The following PRR23A variants were observed in gnomAD, a reference collection of about 807,000 sequenced individuals.
PRR23A encodes proline-rich protein 23A.
For synonymous variants in PRR23A, 161 were observed against 170.6 expected (o/e 0.94, Z 0.44); for missense variants, 342 against 372.7 (o/e 0.92, Z 0.68).
At position 139,004,021 on chromosome 3, in the gene PRR23A, C is replaced by G. The variant is rs1936740642; in HGVS notation, c.*1447G>C. Among the ~76,000 whole-genome samples, 1 of 151,940 alleles carries G rather than the reference C, an allele frequency of 6.6e-6. No homozygotes were observed. The highest frequency in any genetic ancestry group is 2.4e-5 in the African/African-American group (1 of 41,352). On this transcript the variant is annotated 3_prime_UTR_variant, in exon 1 of 1. Coordinates refer to ENST00000383163, the MANE Select transcript of PRR23A (RefSeq NM_001134659.1). ...CAACATAAACATTGCTTATTTATAT[C>G]TATACATATATATATGTATATGTAG...
rs1465953721 is a variant in PRR23A, at chr3:139,006,091, T to C, written c.178A>G (p.Ile60Val). The C allele has an allele frequency of 5.1e-6, 8 of 1,575,798 alleles. No homozygotes were observed. The highest frequency in any genetic ancestry group is 6.0e-6 in the Non-Finnish European group (7 of 1,162,408). ...GCACAGCCCGCGGCCAGGACCACTA[T>C]GGAGGTGAGCGCGCCCACGGCCGGG... ...GTPAVGALTS[I>V]VVLAAGCALR... Residue 60 changes from isoleucine to valine, a missense_variant, in exon 1 of 1, where the codon ATA becomes GTA. By Grantham distance (29) the Ile-to-Val change is conservative. Coordinates refer to ENST00000383163, the MANE Select transcript of PRR23A (RefSeq NM_001134659.1).
chr3:139,005,814 T>G lies in PRR23A; in HGVS notation c.455A>C (p.Gln152Pro), dbSNP rs1255639825. The change falls in exon 1 of 1, where the codon CAG becomes CCG. Residue 152 changes from glutamine (Q) to proline (P), a missense_variant. Transcript: ENST00000383163. ...FCASVPEIAA[Q>P]EEAYEEDADP... ...CGCGTCCTCCTCGTAGGCCTCTTCC[T>G]GGGCGGCGATCTCTGGGACAGATGC... 4 of 1,613,940 alleles carry G rather than the reference T, an allele frequency of 2.5e-6. No individual in the cohort carries two copies. The highest frequency in any genetic ancestry group is 3.4e-6 in the Non-Finnish European group (4 of 1,179,910).
chr3:139,005,805 G>T lies in PRR23A; in HGVS notation c.464C>A (p.Ala155Asp). 6.2e-7 allele frequency: 1 copy of T among 1,613,914 alleles called. No individual in the cohort carries two copies. The highest frequency in any genetic ancestry group is 2.2e-5 in the East Asian group (1 of 44,842). Residue 155 changes from alanine (A) to aspartate (D), a missense_variant, in exon 1 of 1, where the codon GCC becomes GAC. Coordinates refer to ENST00000383163, the MANE Select transcript of PRR23A (RefSeq NM_001134659.1). ...CTCGGGGTCCGCGTCCTCCTCGTAG[G>T]CCTCTTCCTGGGCGGCGATCTCTGG... ...SVPEIAAQEE[A>D]YEEDADPEFP...
In PRR23A at chr3:139,005,822, G is replaced by A; in HGVS notation, c.447C>T (p.Ile149=). Residue 149 remains isoleucine (I), a synonymous_variant, in exon 1 of 1, where the codon ATC becomes ATT. Coordinates refer to ENST00000383163, the MANE Select transcript of PRR23A (RefSeq NM_001134659.1). ...CCTCGTAGGCCTCTTCCTGGGCGGC[G>A]ATCTCTGGGACAGATGCGCAGAAGA... ...QEVFCASVPE[I]AAQEEAYEED... is the part of the protein sequence containing the mutation. 6.2e-7 allele frequency: 1 copy of A among 1,613,966 alleles called. No individual in the cohort carries two copies. The highest frequency in any genetic ancestry group is 1.1e-5 in the South Asian group (1 of 91,044).
At position 139,004,369 on chromosome 3, in the gene PRR23A, A is replaced by C. The variant is rs1216748070; in HGVS notation, c.*1099T>G. ...GAAATTCAGGAATACCCATTGGTTA[A>C]AGTACATAGAATATGTCATTGTACA... On this transcript the variant is annotated 3_prime_UTR_variant, in exon 1 of 1. Transcript: ENST00000383163. Among the ~76,000 whole-genome samples the C allele has an allele frequency of 6.6e-6, 1 of 152,242 alleles. No homozygotes were observed. Among genetic ancestry groups the C allele is most frequent in the African/African-American group, 2.4e-5 (1 of 41,472 alleles).
chr3:139,005,563 G>T lies in PRR23A; in HGVS notation c.706C>A (p.Pro236Thr), dbSNP rs1936763652. ...CCTGGACTCCCCACGCGCGGAGAGG[G>T]AGGTAGAGGTTGGAGAGGTGAGCTG... Reference protein sequence around the residue: ...VPSSPLQPLPPSPRVGSPGPH... With the variant: ...VPSSPLQPLPTSPRVGSPGPH... Residue 236 changes from proline to threonine, a missense_variant, in exon 1 of 1, where the codon CCC (proline) becomes ACC (threonine). Physicochemically the swap from Pro to Thr is conservative, Grantham distance 38. Coordinates refer to ENST00000383163, the MANE Select transcript of PRR23A (RefSeq NM_001134659.1). 11 of 1,604,144 alleles carry T rather than the reference G, an allele frequency of 6.9e-6. No individual in the cohort carries two copies. The highest frequency in any genetic ancestry group is 7.7e-6 in the Non-Finnish European group (9 of 1,175,236).
At position 139,005,385 on chromosome 3, in the gene PRR23A, C is replaced by T; in HGVS notation, c.*83G>A. On this transcript the variant is annotated 3_prime_UTR_variant, in exon 1 of 1. Coordinates refer to ENST00000383163, the MANE Select transcript of PRR23A (RefSeq NM_001134659.1). Reference sequence around the variant, plus strand: ...GTCGATGAATGAAGATGCTGCATTTCCGGGCTGTGGCAAGTCCTCACAGTG... The same window carrying T: ...GTCGATGAATGAAGATGCTGCATTTTCGGGCTGTGGCAAGTCCTCACAGTG... 1 of 1,206,702 alleles carries T rather than the reference C, an allele frequency of 8.3e-7. No individual in the cohort carries two copies. Among genetic ancestry groups the T allele is most frequent in the African/African-American group, 1.5e-5 (1 of 65,252 alleles). 74.7% of individuals were successfully genotyped at this position (1,206,702 alleles called of 1,614,324 possible). A position where few individuals can be genotyped will look rare whatever the true frequency, so the allele number is the denominator to read the frequency against.
Position 139,006,167 on chromosome 3 carries a change from G to A in PRR23A, c.102C>T (p.Pro34=). The change falls in exon 1 of 1, where the codon CCC becomes CCT. Residue 34 remains proline, a synonymous_variant. Coordinates refer to ENST00000383163, the MANE Select transcript of PRR23A (RefSeq NM_001134659.1). The stretch of plus-strand genomic sequence containing the variant: ...GCGCCACGCGGGGTTCGGGGCCCGC[G>A]GGCTCCTCCAATCGGAGGCGCTTGG... The part of the protein sequence containing the change: ...GPAKRLRLEE[P]AGPEPRVAPS... 1 of 1,545,660 alleles carries A rather than the reference G, an allele frequency of 6.5e-7. No homozygotes were observed. Among genetic ancestry groups the A allele is most frequent in the Non-Finnish European group, 8.7e-7 (1 of 1,146,656 alleles).
the PRR23A span, chr3:139,005,626 A>AG: frequency 6.2e-7 from 1 of 1,613,338 alleles, no homozygotes; most frequent in Non-Finnish European, 8.5e-7. Context: ...GGGTCGAAGA[A>AG]GGGGCCTGGA....
chr3:139,005,531 G>A lies in PRR23A; in HGVS notation c.738C>T (p.His246=), dbSNP rs1301548086. 4 of 1,517,690 alleles carry A rather than the reference G, an allele frequency of 2.6e-6. No homozygotes were observed. The highest frequency in any genetic ancestry group is 3.5e-6 in the Non-Finnish European group (4 of 1,135,024). The allele number at this position is 1,517,690 out of a possible 1,614,324, so 94.0% of individuals were successfully genotyped here. The change falls in exon 1 of 1, where the codon CAC becomes CAT. Residue 246 remains histidine, a synonymous_variant. Coordinates refer to ENST00000383163, the MANE Select transcript of PRR23A (RefSeq NM_001134659.1). ...PSPRVGSPGP[H]AHPPLPKRPP... ...GGCGTTTCGGGAGCGGCGGGTGCGCGTGGGGACCTGGACTCCCCACGCGCG... is the reference window on the plus strand; with the variant it reads ...GGCGTTTCGGGAGCGGCGGGTGCGCATGGGGACCTGGACTCCCCACGCGCG...
rs772820750 is a variant in PRR23A at position 139,005,765 on chromosome 3, C to G, written c.504G>C (p.Gln168His). The change falls in exon 1 of 1, where the codon CAG becomes CAC. Residue 168 changes from glutamine (Q) to histidine (H), a missense_variant. Gln to His is a conservative substitution (Grantham distance 24, BLOSUM62 0). Coordinates refer to ENST00000383163, the MANE Select transcript of PRR23A (RefSeq NM_001134659.1). ...CGGCTGAGCCGGCTGCGGAGTCCATCTGGAGCTCCGGAAACTCGGGGTCCG... is the reference window on the plus strand; with the variant it reads ...CGGCTGAGCCGGCTGCGGAGTCCATGTGGAGCTCCGGAAACTCGGGGTCCG... ...EDADPEFPEL[Q>H]MDSAAGSAAG... 3 of 1,613,728 alleles carry G rather than the reference C, an allele frequency of 1.9e-6. No homozygotes were observed. Among genetic ancestry groups the G allele is most frequent in the Admixed American group, 3.3e-5 (2 of 59,988 alleles).
rs747564206 is a variant in PRR23A, at chr3:139,005,849, T to C, written c.420A>G (p.Glu140=). 3 of 1,613,794 alleles carry C rather than the reference T, an allele frequency of 1.9e-6. No individual in the cohort carries two copies. In the Admixed American group the frequency reaches 5.0e-5, roughly 27 times the overall value. ...TCTCTGGGACAGATGCGCAGAAGAC[T>C]TCCTGCTCAACGACGACGTCCTCCC... ...ALREDVVVEQ[E]VFCASVPEIA... Residue 140 remains glutamate (E), a synonymous_variant, in exon 1 of 1, where the codon GAA becomes GAG. Transcript: ENST00000383163.
In PRR23A at chr3:139,006,170, C is replaced by G. The variant is rs2107764752; in HGVS notation, c.99G>C (p.Glu33Asp). ...PGPAKRLRLEEPAGPEPRVAP... is the reference protein window; with the variant it reads ...PGPAKRLRLEDPAGPEPRVAP... Reference sequence around the variant, plus strand: ...CCACGCGGGGTTCGGGGCCCGCGGGCTCCTCCAATCGGAGGCGCTTGGCAG... The same window carrying G: ...CCACGCGGGGTTCGGGGCCCGCGGGGTCCTCCAATCGGAGGCGCTTGGCAG... The change falls in exon 1 of 1, where the codon GAG becomes GAC. Residue 33 changes from glutamate to aspartate, a missense_variant. By Grantham distance (45) the Glu-to-Asp change is conservative. Transcript: ENST00000383163. 1.3e-6 allele frequency: 2 copies of G among 1,545,950 alleles called. No individual in the cohort carries two copies. The highest frequency in any genetic ancestry group is 2.7e-5 in the African/African-American group (2 of 72,966).
rs776009905 is a variant in PRR23A, at chr3:139,005,749, C to T, written c.520G>A (p.Gly174Ser). The T allele has an allele frequency of 1.2e-5, 19 of 1,613,252 alleles. No individual in the cohort carries two copies. The African/African-American group carries it at 1.9e-4, about 16-fold the overall frequency. ...GAGGAGTAGAGCCCAGCGGCTGAGC[C>T]GGCTGCGGAGTCCATCTGGAGCTCC... ...FPELQMDSAA[G>S]SAAGLYSSAR... The change falls in exon 1 of 1, where the codon GGC becomes AGC. Residue 174 changes from glycine to serine, a missense_variant. Physicochemically the swap from Gly to Ser is moderately conservative, Grantham distance 56. Coordinates refer to ENST00000383163, the MANE Select transcript of PRR23A (RefSeq NM_001134659.1).
At position 139,004,292 on chromosome 3, in the gene PRR23A, A is replaced by G. The variant is rs1432453620; in HGVS notation, c.*1176T>C. On this transcript the variant is annotated 3_prime_UTR_variant, in exon 1 of 1. Coordinates refer to ENST00000383163, the MANE Select transcript of PRR23A (RefSeq NM_001134659.1). ...AATTAGACCAAATGTCCATGCGGTG[A>G]AGGTGAGTGAGTACCCCTGAGAGGA... Among the ~76,000 whole-genome samples, 1 of 152,174 alleles carries G rather than the reference A, an allele frequency of 6.6e-6. No individual in the cohort carries two copies. Among genetic ancestry groups the G allele is most frequent in the African/African-American group, 2.4e-5 (1 of 41,432 alleles).
In PRR23A at chr3:139,005,848, C is replaced by A. The variant is rs775895708; in HGVS notation, c.421G>T (p.Val141Phe). 8 of 1,613,998 alleles carry A rather than the reference C, an allele frequency of 5.0e-6. No individual in the cohort carries two copies. The East Asian group carries it at 1.8e-4, about 36-fold the overall frequency. The change falls in exon 1 of 1, where the codon GTC becomes TTC. Residue 141 changes from valine to phenylalanine, a missense_variant. By Grantham distance (50) the Val-to-Phe change is conservative. Transcript: ENST00000383163. ...LREDVVVEQEVFCASVPEIAA... is the reference protein window; with the variant it reads ...LREDVVVEQEFFCASVPEIAA... The stretch of plus-strand genomic sequence containing the variant: ...ATCTCTGGGACAGATGCGCAGAAGA[C>A]TTCCTGCTCAACGACGACGTCCTCC...
Position 139,006,145 on chromosome 3 carries a change from C to G in PRR23A, c.124G>C (p.Ala42Pro). The G allele has an allele frequency of 6.5e-7, 1 of 1,543,222 alleles. No homozygotes were observed. The highest frequency in any genetic ancestry group is 8.7e-7 in the Non-Finnish European group (1 of 1,145,810). ...CCCGCCGGGTCTTCCAGGCTGGGCG[C>G]CACGCGGGGTTCGGGGCCCGCGGGC... ...EEPAGPEPRV[A>P]PSLEDPAGTP... The change falls in exon 1 of 1, where the codon GCG becomes CCG. Residue 42 changes from alanine (A) to proline (P), a missense_variant. Coordinates refer to ENST00000383163, the MANE Select transcript of PRR23A (RefSeq NM_001134659.1).
chr3:139,005,914 A>G lies in PRR23A; in HGVS notation c.355T>C (p.Ser119Pro). Residue 119 changes from serine to proline, a missense_variant, in exon 1 of 1, where the codon TCT (serine) becomes CCT (proline). By Grantham distance (74) the Ser-to-Pro change is moderately conservative. Transcript: ENST00000383163. ...DERSGAQDDS[S>P]AGLEVDVFLG... ...AAAACGTCCACTTCCAGCCCAGCAG[A>G]CGAGTCGTCCTGCGCTCCTGAGCGT... The G allele has an allele frequency of 6.2e-7, 1 of 1,613,628 alleles. No homozygotes were observed. Among genetic ancestry groups the G allele is most frequent in the East Asian group, 2.2e-5 (1 of 44,828 alleles).
chr3:139,005,462 A>G lies in PRR23A; in HGVS notation c.*6T>C, dbSNP rs765480383. On this transcript the variant is annotated 3_prime_UTR_variant, in exon 1 of 1. Coordinates refer to ENST00000383163, the MANE Select transcript of PRR23A (RefSeq NM_001134659.1). ...CAGCCGGTGGCAAGGGATTGTGGGAAGCAGTTCATTCCTGGAACAGTCGTC... is the reference window on the plus strand; with the variant it reads ...CAGCCGGTGGCAAGGGATTGTGGGAGGCAGTTCATTCCTGGAACAGTCGTC... 4.0e-6 allele frequency: 6 copies of G among 1,497,840 alleles called. No individual in the cohort carries two copies. In the South Asian group the frequency reaches 8.2e-5, roughly 20 times the overall value. The allele number at this position is 1,497,840 out of a possible 1,614,324, so 92.8% of individuals were successfully genotyped here.
Sources: gnomAD v4.1 joint callset for allele counts (sites outside exome capture counted in the v4.1 genomes callset) on GRCh38, gnomAD v4.1.1 for gene constraint, MANE v1.5 for transcripts, NCBI Gene and HGNC (gene_info 2026-07-23, HGNC 2026-07-21) for gene names.